The following PTPN14 variants were observed in gnomAD, a reference collection of about 807,000 sequenced individuals.
The protein encoded by PTPN14 is tyrosine-protein phosphatase non-receptor type 14.
A neutral mutation model predicts 126.8 loss-of-function variants in PTPN14; 53 were observed. That is an observed-to-expected ratio of 0.42 (90% CI 0.34 to 0.53). The LOEUF (loss-of-function observed/expected upper bound fraction) is 0.53. PTPN14 is among the 20% of genes least tolerant of loss of function. PTPN14 has a pLI of 0.08. For missense variants in PTPN14, 1,257 were observed against 1,552.9 expected, an observed-to-expected ratio of 0.81 and a Z score of 3.20; for synonymous variants, 630 against 599.3, an observed-to-expected ratio of 1.05 and a Z score of -0.75.
At chr1:214,475,384 A>C (rs886267723) in intron 1 of PTPN14, among the ~76,000 whole-genome samples, 10 of 152,208 alleles carry the variant, frequency 6.6e-5, no homozygotes, top group Admixed American at 1.3e-4. Flanking sequence ...GTTCTTTAAA[A>C]TATAAAGAAC....
Position 214,357,984 on chromosome 1 carries a change from C to A in PTPN14, c.3502G>T (p.Ala1168Ser), listed in dbSNP as rs766848166. The A allele has an allele frequency of 6.2e-7, 1 of 1,613,366 alleles. No homozygotes were observed. Among genetic ancestry groups the A allele is most frequent in the Non-Finnish European group, 8.5e-7 (1 of 1,179,540 alleles). Residue 1168 changes from alanine (A) to serine (S), a missense_variant, in exon 19 of 19, where the codon GCT (alanine) becomes TCT (serine). By Grantham distance (99) the Ala-to-Ser change is moderately conservative. Transcript: ENST00000366956. ...ACTTGGTAGACAAACTTGTACTGAG[C>A]GATAGTCTGGATCATGAACATCCTC... The part of the protein sequence containing the change: ...EQRMFMIQTI[A>S]QYKFVYQVLI...
chr1:214,548,839 C>A (rs1230174509), intron 1 of PTPN14, among the ~76,000 whole-genome samples: 1 of 152,302 alleles, frequency 6.6e-6, no homozygotes, highest in East Asian at 1.9e-4. Context: ...TGGTGCTTCC[C>A]TATTAAAAGC....
At chr1:214,396,163 T>C (rs1311715332) in intron 8 of PTPN14, among the ~76,000 whole-genome samples, 5 of 152,232 alleles carry the variant, frequency 3.3e-5, no homozygotes, top group Non-Finnish European at 7.3e-5. Context: ...CTTAGCTGTA[T>C]AGAGTCCGAT....
At chr1:214,407,325 G>A (rs927415546) in intron 5 of PTPN14, among the ~76,000 whole-genome samples, 1 of 152,214 alleles carries the variant, frequency 6.6e-6, no homozygotes, top group African/African-American at 2.4e-5. Flanking sequence ...AGGAGTTCAA[G>A]ACCAGTCTGG....
rs767136191 is a variant in PTPN14, at chr1:214,402,907, A to G, written c.557T>C (p.Val186Ala). 1.3e-5 allele frequency: 21 copies of G among 1,613,950 alleles called. No homozygotes were observed. The South Asian group carries it at 2.2e-4, about 17-fold the overall frequency. ...EAVLEELTQK[V>A]AQEHKAHSGI... is the part of the protein sequence containing the mutation. Reference sequence around the variant, plus strand: ...CCTGTGGGCTTTGTGTTCTTGGGCTACCTTCTGGGTCAGCTCCTCCAGAAC... The same window carrying G: ...CCTGTGGGCTTTGTGTTCTTGGGCTGCCTTCTGGGTCAGCTCCTCCAGAAC... Residue 186 changes from valine to alanine, a missense_variant, in exon 6 of 19, where the codon GTA becomes GCA. By Grantham distance (64) the Val-to-Ala change is moderately conservative. Around this residue, in one of 3 missense-constraint regions of PTPN14, gnomAD observed 1,021 missense variants for 1,183.3 expected, o/e 0.86. Transcript: ENST00000366956.
intron 1 of PTPN14, among the ~76,000 whole-genome samples, chr1:214,468,804 A>G (rs914994967): frequency 6.6e-6 from 1 of 152,208 alleles, no homozygotes; most frequent in African/African-American, 2.4e-5. Context: ...TGCTGAATTT[A>G]AATGATGCTG....
At chr1:214,489,555 A>G (rs1661186868) in intron 1 of PTPN14, among the ~76,000 whole-genome samples, 1 of 152,154 alleles carries the variant, frequency 6.6e-6, no homozygotes, top group African/African-American at 2.4e-5. Context: ...AGTTCTCTAA[A>G]TTGCCCCTCT....
At chr1:214,509,989 G>A (rs1014317491) in intron 1 of PTPN14, among the ~76,000 whole-genome samples, 2 of 152,168 alleles carry the variant, frequency 1.3e-5, no homozygotes, top group Non-Finnish European at 2.9e-5. Context: ...GGCCTTTCAG[G>A]TAGCTTTCAG....
rs115468567 is a variant in PTPN14 at position 214,401,566 on chromosome 1, T to A, written c.669+119A>T. 5.9e-6 allele frequency: 5 copies of A among 846,214 alleles called. No homozygotes were observed. In the African/African-American group the frequency reaches 8.7e-5, roughly 15 times the overall value. 52.4% of individuals were successfully genotyped at this position (846,214 alleles called of 1,614,324 possible). A position where few individuals can be genotyped will look rare whatever the true frequency, so the allele number is the denominator to read the frequency against. On this transcript the variant is annotated intron_variant, in intron 7 of 18. Coordinates refer to ENST00000366956, the MANE Select transcript of PTPN14 (RefSeq NM_005401.5). ...TCTATAATAAATTGGACTTGCCAACTAAGGCTGCATAGCAAAAAGAAGGCC... is the reference window on the plus strand; with the variant it reads ...TCTATAATAAATTGGACTTGCCAACAAAGGCTGCATAGCAAAAAGAAGGCC...
At chr1:214,440,824 A>C (rs531939009) in intron 3 of PTPN14, among the ~76,000 whole-genome samples, 49 of 152,318 alleles carry the variant, frequency 3.2e-4, no homozygotes, top group African/African-American at 1.1e-3. Flanking sequence ...TTAACTCCCT[A>C]GGGAGTGGAG....
chr1:214,465,610 T>C (rs1389999519), intron 1 of PTPN14, among the ~76,000 whole-genome samples: 1 of 152,016 alleles, frequency 6.6e-6, no homozygotes, highest in Non-Finnish European at 1.5e-5. Context: ...CAGAGTAAGA[T>C]TCTGTCTCAA....
At chr1:214,428,241 G>A (rs940875250) in intron 3 of PTPN14, among the ~76,000 whole-genome samples, 1 of 152,212 alleles carries the variant, frequency 6.6e-6, no homozygotes, top group Non-Finnish European at 1.5e-5. Context: ...TCTGAAGGCT[G>A]GATGTGGTGT....
chr1:214,520,490 A>C (rs1470279033), intron 1 of PTPN14, among the ~76,000 whole-genome samples: 2 of 152,212 alleles, frequency 1.3e-5, no homozygotes, highest in East Asian at 3.9e-4. Context: ...ATTTTCAGCA[A>C]AACAGAATTT....
At chr1:214,417,604 T>C (rs1446225546) in intron 3 of PTPN14, among the ~76,000 whole-genome samples, 3 of 152,194 alleles carry the variant, frequency 2.0e-5, no homozygotes, top group Non-Finnish European at 4.4e-5. Context: ...TAGAGATGAA[T>C]TGCTAAGATC....
intron 16 of PTPN14, among the ~76,000 whole-genome samples, chr1:214,370,471 C>T (rs1658192998): frequency 6.6e-6 from 1 of 152,006 alleles, no homozygotes; most frequent in South Asian, 2.1e-4. Context: ...TTCCAGCAAT[C>T]GCTGTAGGTC....
At chr1:214,472,589 G>A (rs1572022123) in intron 1 of PTPN14, among the ~76,000 whole-genome samples, 2 of 152,332 alleles carry the variant, frequency 1.3e-5, no homozygotes, top group Non-Finnish European at 2.9e-5. Flanking sequence ...AGGCAGGGCA[G>A]GAGTCTCCAG....
chr1:214,357,974 T>G lies in PTPN14; in HGVS notation c.3512A>C (p.Lys1171Thr). The G allele has an allele frequency of 6.2e-7, 1 of 1,613,498 alleles. No homozygotes were observed. The highest frequency in any genetic ancestry group is 1.1e-5 in the South Asian group (1 of 91,066). ...CTGGATGAGGACTTGGTAGACAAAC[T>G]TGTACTGAGCGATAGTCTGGATCAT... ...MFMIQTIAQYKFVYQVLIQFL... is the reference protein window; with the variant it reads ...MFMIQTIAQYTFVYQVLIQFL... The change falls in exon 19 of 19, where the codon AAG (lysine) becomes ACG (threonine). Residue 1171 changes from lysine (K) to threonine (T), a missense_variant. This residue lies in a region of PTPN14 where 171 missense variants were observed against 229.8 expected (regional missense o/e 0.74). Transcript: ENST00000366956.
At chr1:214,371,697 TA>T (rs775582504) in intron 16 of PTPN14, among the ~76,000 whole-genome samples, 72 of 152,338 alleles carry the variant, frequency 4.7e-4, no homozygotes, top group Non-Finnish European at 7.9e-4. Flanking sequence ...GATAAGGTGA[TA>T]AATCTATTCT....
At chr1:214,532,997 G>A (rs567730056) in intron 1 of PTPN14, 24 of 757,886 alleles carry the variant, frequency 3.2e-5, no homozygotes, top group South Asian at 1.2e-4. Context: ...TGGTCTGAGC[G>A]GACTGAGGAG....
Sources: gnomAD v4.1 joint callset for allele counts (sites outside exome capture counted in the v4.1 genomes callset) on GRCh38, gnomAD v4.1.1 for gene constraint, gnomAD v4.1.1 regional missense constraint, MANE v1.5 for transcripts, NCBI Gene and HGNC (gene_info 2026-07-23, HGNC 2026-07-21) for gene names.